The following MTMR10 variants were observed in gnomAD, a reference collection of about 807,000 sequenced individuals.
The protein encoded by MTMR10 is myotubularin related protein 10.
Under a neutral mutation model 88.1 loss-of-function variants are expected in MTMR10, and 56 were observed. The observed-to-expected ratio is 0.64, with a 90% CI of 0.51 to 0.79. The LOEUF is 0.79. MTMR10 is among the 30% of genes least tolerant of loss of function. MTMR10 has a pLI of 0.00. For synonymous variants in MTMR10, 380 were observed against 340.9 expected (o/e 1.11, Z -1.26); for missense variants, 883 against 924.7 (o/e 0.95, Z 0.58).
At chr15:30,935,757 T>C (rs2062834979), downstream of MTMR10, among the ~76,000 whole-genome samples, 1 of 152,170 alleles carries the variant, frequency 6.6e-6, no homozygotes, top group South Asian at 2.1e-4. Context: ...GCAATGAATT[T>C]TATGTTGACA....
Position 30,952,034 on chromosome 15 carries a change from A to G in MTMR10, c.1141T>C (p.Phe381Leu). The G allele has an allele frequency of 1.2e-6, 2 of 1,613,450 alleles. No individual in the cohort carries two copies. Among genetic ancestry groups the G allele is most frequent in the Non-Finnish European group, 1.7e-6 (2 of 1,179,412 alleles). Reference sequence around the variant, plus strand: ...ACAAGTTCTGCTGAATGCTTAAGGAATGCCCTGAAGAGAGAAAAGGAAAAG... The same window carrying G: ...ACAAGTTCTGCTGAATGCTTAAGGAGTGCCCTGAAGAGAGAAAAGGAAAAG... ...NTRWLEYVRAFLKHSAELVYM... is the reference protein window; with the variant it reads ...NTRWLEYVRALLKHSAELVYM... Residue 381 changes from phenylalanine (F) to leucine (L), a missense_variant, in exon 12 of 16, where the codon TTC (phenylalanine) becomes CTC (leucine). Phe to Leu is a conservative substitution (Grantham distance 22, BLOSUM62 0). This residue lies in a region of MTMR10 where 126 missense variants were observed against 178.2 expected (regional missense o/e 0.71). Transcript: ENST00000435680.
At chr15:30,946,372 C>A (rs1163053506) in intron 14 of MTMR10, 2 of 216,976 alleles carry the variant, frequency 9.2e-6, no homozygotes, top group Non-Finnish European at 1.8e-5. Flanking sequence ...GGTTAGCAAC[C>A]TGGACTCTCA....
intron 14 of MTMR10, 44 bp downstream of exon 14, chr15:30,947,086 T>C: frequency 6.5e-7 from 1 of 1,542,674 alleles, no homozygotes; most frequent in African/African-American, 1.4e-5. Context: ...TCGATAAAGT[T>C]GTAAAAACAG....
intron 14 of MTMR10, chr15:30,946,760 C>T (rs907974478): frequency 2.8e-6 from 2 of 702,748 alleles, no homozygotes; most frequent in African/African-American, 1.7e-5. Flanking sequence ...TTGTTTTGTA[C>T]AACTTTTTAT....
downstream of MTMR10, chr15:30,937,096 ACTT>A (rs1451278900): frequency 6.2e-7 from 1 of 1,602,014 alleles, no homozygotes; most frequent in African/African-American, 1.3e-5. Flanking sequence ...ACTAATAACA[ACTT>A]TTAAAAATTT....
chr15:30,952,020 T>C lies in MTMR10; in HGVS notation c.1155A>G (p.Ser385=), dbSNP rs769333096. 3 of 1,613,808 alleles carry C rather than the reference T, an allele frequency of 1.9e-6. No individual in the cohort carries two copies. The highest frequency in any genetic ancestry group is 2.2e-5 in the South Asian group (2 of 91,076). Residue 385 remains serine, a synonymous_variant, in exon 12 of 16, where the codon TCA becomes TCG. Transcript: ENST00000435680. ...LEYVRAFLKH[S]AELVYMLESK... ...TTTCTAGCATGTATACAAGTTCTGC[T>C]GAATGCTTAAGGAATGCCCTGAAGA...
chr15:30,934,398 G>C (rs1386761430), downstream of MTMR10, among the ~76,000 whole-genome samples: 1 of 152,048 alleles, frequency 6.6e-6, no homozygotes, highest in Non-Finnish European at 1.5e-5. Context: ...TGGGGTGTTT[G>C]GAACATTTAC....
chr15:30,934,661 G>A (rs1314314952), downstream of MTMR10, among the ~76,000 whole-genome samples: 3 of 152,214 alleles, frequency 2.0e-5, no homozygotes, highest in African/African-American at 7.2e-5. Context: ...TTGCAGGCAT[G>A]AGCCACAGTG....
At chr15:30,961,703 T>C (rs2063404559) in intron 6 of MTMR10, among the ~76,000 whole-genome samples, 1 of 152,226 alleles carries the variant, frequency 6.6e-6, no homozygotes, top group African/African-American at 2.4e-5. Context: ...CGGACCACTC[T>C]AGCTACTATG....
chr15:30,929,031 CTAAAAAACAAGTT>C, the MTMR10 span, among the ~76,000 whole-genome samples: 1 of 152,154 alleles, frequency 6.6e-6, no homozygotes, highest in Non-Finnish European at 1.5e-5. Flanking sequence ...AATTATTACT[CTAAAAAACAAGTT>C]TAATAAATTG....
At chr15:30,934,380 T>A (rs1442954424), downstream of MTMR10, among the ~76,000 whole-genome samples, 1 of 152,222 alleles carries the variant, frequency 6.6e-6, no homozygotes, top group Non-Finnish European at 1.5e-5. Context: ...TTAACCTCTG[T>A]CTTTTAATGG....
At chr15:30,966,952 T>A (rs951952291) in intron 6 of MTMR10, among the ~76,000 whole-genome samples, 5 of 151,530 alleles carry the variant, frequency 3.3e-5, no homozygotes, top group African/African-American at 1.2e-4. Context: ...CATCTTCAGA[T>A]ACCGTACACT....
rs564511263 is a variant in MTMR10, at chr15:30,987,261, G to T, written c.121+3516C>A. 4.6e-5 allele frequency among the ~76,000 whole-genome samples: 7 copies of T among 152,312 alleles called. No homozygotes were observed. The East Asian group carries it at 1.3e-3, about 29-fold the overall frequency. ...TGGGTAAGGTAACAGTTTAAGCCAG[G>T]TGGTCTGAGAGGTCCTTTCGTTCAG... On this transcript the variant is annotated intron_variant, in intron 2 of 15. Coordinates refer to ENST00000435680, the MANE Select transcript of MTMR10 (RefSeq NM_017762.3).
chr15:30,957,525 C>T (rs1323347186), intron 9 of MTMR10, among the ~76,000 whole-genome samples: 1 of 152,178 alleles, frequency 6.6e-6, no homozygotes, highest in Non-Finnish European at 1.5e-5. Flanking sequence ...GAGTTCGAGA[C>T]CAGCCTGGCC....
At chr15:30,989,760 T>G (rs1947203860) in intron 2 of MTMR10, among the ~76,000 whole-genome samples, 1 of 150,980 alleles carries the variant, frequency 6.6e-6, no homozygotes, top group African/African-American at 2.4e-5. Context: ...TTTTTTTTTG[T>G]ATTTTTAGTA....
At chr15:30,955,803 G>C (rs1046183625) in intron 9 of MTMR10, among the ~76,000 whole-genome samples, 2 of 152,094 alleles carry the variant, frequency 1.3e-5, no homozygotes, top group Non-Finnish European at 1.5e-5. Context: ...ATTTGCTGTA[G>C]GATAAACTGC....
chr15:30,974,121 C>T (rs1055911711), intron 5 of MTMR10, among the ~76,000 whole-genome samples, 193 bp downstream of exon 5: 1 of 152,136 alleles, frequency 6.6e-6, no homozygotes. Context: ...ATATAGAACA[C>T]TTTAAAACAG....
chr15:30,975,017 T>G lies in MTMR10; in HGVS notation c.259-14A>C. 1 of 1,515,538 alleles carries G rather than the reference T, an allele frequency of 6.6e-7. No individual in the cohort carries two copies. The highest frequency in any genetic ancestry group is 9.0e-7 in the Non-Finnish European group (1 of 1,114,094). 93.9% of individuals were successfully genotyped at this position (1,515,538 alleles called of 1,614,324 possible). The stretch of plus-strand genomic sequence containing the variant: ...GTAATGGAATTTCTGGAATAAAAAA[T>G]TATGTTCATATTAATTCTTTTCCCA... On this transcript the variant is annotated splice_polypyrimidine_tract_variant and intron_variant, in intron 3 of 15. Coordinates refer to ENST00000435680, the MANE Select transcript of MTMR10 (RefSeq NM_017762.3).
At chr15:30,929,900 T>C in the MTMR10 span, among the ~76,000 whole-genome samples, 6 of 75,636 alleles carry the variant, frequency 7.9e-5, no homozygotes, top group Admixed American at 2.4e-4. Flanking sequence ...ATATATAATA[T>C]ATAAAATATA....
Sources: gnomAD v4.1 joint callset for allele counts (sites outside exome capture counted in the v4.1 genomes callset) on GRCh38, gnomAD v4.1.1 for gene constraint, gnomAD v4.1.1 regional missense constraint, MANE v1.5 for transcripts, NCBI Gene and HGNC (gene_info 2026-07-23, HGNC 2026-07-21) for gene names.